DENND1A: variants seen among roughly 807,000 people sequenced by gnomAD.
DENND1A encodes DENN domain-containing protein 1A.
Under a neutral mutation model 113.7 loss-of-function variants are expected in DENND1A, and 51 were observed. That is an observed-to-expected ratio of 0.45 (90% CI 0.36 to 0.57). The LOEUF (loss-of-function observed/expected upper bound fraction) is 0.57, where lower values mean the gene tolerates loss of function less well. DENND1A is among the 20% of genes least tolerant of loss of function. The pLI, the probability that DENND1A is intolerant of heterozygous loss-of-function variation, is 0.00. For synonymous variants in DENND1A, 565 were observed against 570.8 expected, an observed-to-expected ratio of 0.99 and a Z score of 0.14; for missense variants, 1,258 against 1,395.9, an observed-to-expected ratio of 0.90 and a Z score of 1.57.
Position 123,557,554 on chromosome 9 carries a change from T to C in DENND1A, c.993+16A>G, listed in dbSNP as rs576158892. On this transcript the variant is annotated intron_variant, in intron 13 of 23. Transcript: ENST00000394215. ...CTGACCAAACACAGGCTCTGTGACATGCCAAGGCTACTCACCGGCTCGATT... is the reference window on the plus strand; with the variant it reads ...CTGACCAAACACAGGCTCTGTGACACGCCAAGGCTACTCACCGGCTCGATT... The C allele has an allele frequency of 4.3e-6, 7 of 1,613,192 alleles. No homozygotes were observed. In the South Asian group the frequency reaches 5.5e-5, roughly 13 times the overall value.
chr9:123,440,562 G>A (rs1326535887), intron 18 of DENND1A, 71 bp from the exon 19 acceptor site: 19 of 1,475,112 alleles, frequency 1.3e-5, no homozygotes, highest in African/African-American at 1.5e-5. Flanking sequence ...ACCCCACAAC[G>A]AAGAGGCCTG....
At chr9:123,798,485 G>A (rs941419742) in intron 2 of DENND1A, 2 of 152,116 alleles carry the variant, frequency 1.3e-5, no homozygotes, top group African/African-American at 4.8e-5. Context: ...TGAGTCCATT[G>A]ACATTATACA....
At chr9:123,553,401 C>T (rs1489856197) in intron 13 of DENND1A, among the ~76,000 whole-genome samples, 2 of 55,100 alleles carry the variant, frequency 3.6e-5, no homozygotes, top group Non-Finnish European at 3.3e-5. Flanking sequence ...TTAAAAGCCG[C>T]CCCCCCCCCG....
chr9:123,545,415 C>G (rs1391392169), intron 13 of DENND1A, among the ~76,000 whole-genome samples: 1 of 152,042 alleles, frequency 6.6e-6, no homozygotes, highest in Non-Finnish European at 1.5e-5. Flanking sequence ...AACAAATCCA[C>G]CATCCCTCCA....
At chr9:123,401,582 A>G (rs2043466913) in intron 21 of DENND1A, 9 of 1,400,270 alleles carry the variant, frequency 6.4e-6, no homozygotes, top group Non-Finnish European at 8.4e-6. Flanking sequence ...CCAACCACCA[A>G]ACTGGCTCCC....
intron 2 of DENND1A, among the ~76,000 whole-genome samples, chr9:123,862,844 T>C (rs1305933948): frequency 6.6e-6 from 1 of 152,176 alleles, no homozygotes; most frequent in Admixed American, 6.5e-5. Context: ...AGGAGCTAGT[T>C]GATCAAACTA....
chr9:123,511,522 C>T (rs1015517285), intron 13 of DENND1A, among the ~76,000 whole-genome samples: 4 of 152,220 alleles, frequency 2.6e-5, no homozygotes, highest in African/African-American at 7.2e-5. Flanking sequence ...AGCAGCTGCT[C>T]GGTCACTGTT....
intron 1 of DENND1A, among the ~76,000 whole-genome samples, chr9:123,923,340 C>T (rs1856602538): frequency 6.6e-6 from 1 of 152,170 alleles, no homozygotes; most frequent in African/African-American, 2.4e-5. Flanking sequence ...CGATGGAGAG[C>T]TTGGTCTTCA....
chr9:123,643,657 C>T (rs1449288304), intron 9 of DENND1A, among the ~76,000 whole-genome samples: 4 of 152,206 alleles, frequency 2.6e-5, no homozygotes, highest in South Asian at 2.1e-4. Context: ...CCACCAAGGC[C>T]GCACTCATGG....
At chr9:123,555,916 C>G (rs1470994488) in intron 13 of DENND1A, among the ~76,000 whole-genome samples, 1 of 152,220 alleles carries the variant, frequency 6.6e-6, no homozygotes, top group Non-Finnish European at 1.5e-5. Flanking sequence ...TACTTCAAGT[C>G]TGTCCATTCC....
chr9:123,765,277 C>T (rs1438301824), intron 4 of DENND1A, among the ~76,000 whole-genome samples: 1 of 152,064 alleles, frequency 6.6e-6, no homozygotes, highest in Non-Finnish European at 1.5e-5. Context: ...GCAGCTATAC[C>T]ACTAACTGGT....
chr9:123,738,437 C>T (rs2068732492), intron 5 of DENND1A, among the ~76,000 whole-genome samples: 1 of 128,242 alleles, frequency 7.8e-6, no homozygotes, highest in Admixed American at 7.5e-5. Context: ...GCCGTGTCAA[C>T]AGCTTCTGTG....
At chr9:123,707,974 A>G (rs956140268) in intron 5 of DENND1A, among the ~76,000 whole-genome samples, 1 of 152,192 alleles carries the variant, frequency 6.6e-6, no homozygotes, top group African/African-American at 2.4e-5. Flanking sequence ...AATCTAGTGC[A>G]TGGATGCATG....
intron 5 of DENND1A, among the ~76,000 whole-genome samples, chr9:123,728,506 A>AAAAACAAAAAAAAAAAAAAAAAAAC (rs2067913385): frequency 6.9e-6 from 1 of 145,814 alleles, no homozygotes; most frequent in African/African-American, 2.7e-5. Flanking sequence ...AAAAAAAAAA[A>AAAAACAAAAAAAAAAAAAAAAAAAC]AAAACAGGCA....
At chr9:123,671,159 AGGTCT>A in intron 7 of DENND1A, 127 bp downstream of exon 7, 1 of 983,500 alleles carries the variant, frequency 1.0e-6, no homozygotes, top group Non-Finnish European at 1.6e-6. Flanking sequence ...TTGAACTCAG[AGGTCT>A]CAGAGTATTT....
At position 123,422,625 on chromosome 9, in the gene DENND1A, G is replaced by C. The variant is rs1180293344; in HGVS notation, c.1489-10796C>G. On this transcript the variant is annotated intron_variant, in intron 19 of 23. Transcript: ENST00000394215. This position sits in a 1 kb window ranked among gnomAD's most constrained non-coding sequence, Gnocchi z 4.8. ...AGTCTACCCATCCACCGCCTCAGCA[G>C]AGTTTAAAATCCTAGCTAATAGGTT... is the stretch of plus-strand genomic sequence containing the variant. Among the ~76,000 whole-genome samples the C allele has an allele frequency of 6.6e-6, 1 of 152,054 alleles. No individual in the cohort carries two copies. The highest frequency in any genetic ancestry group is 1.5e-5 in the Non-Finnish European group (1 of 68,016).
intron 13 of DENND1A, among the ~76,000 whole-genome samples, chr9:123,506,790 T>A (rs945604167): frequency 6.6e-6 from 1 of 152,066 alleles, no homozygotes; most frequent in Non-Finnish European, 1.5e-5. Flanking sequence ...TTGTCTTCAG[T>A]CCAGGGTTCT....
chr9:123,788,887 T>C (rs528708843), intron 3 of DENND1A, among the ~76,000 whole-genome samples: 51 of 152,198 alleles, frequency 3.4e-4, no homozygotes, highest in East Asian at 1.7e-3. Flanking sequence ...TTAAGGGAGA[T>C]AGAATTTAAG....
chr9:123,811,703 G>A (rs1836640153), intron 2 of DENND1A, among the ~76,000 whole-genome samples: 2 of 152,210 alleles, frequency 1.3e-5, no homozygotes, highest in South Asian at 4.1e-4. Context: ...AGCTTGCAGT[G>A]AGCGGAGATC....
Sources: allele counts gnomAD v4.1 joint callset (sites outside exome capture counted in the v4.1 genomes callset), GRCh38; gene constraint gnomAD v4.1.1; non-coding constraint Gnocchi (gnomAD v3.1); transcripts MANE v1.5; gene names NCBI Gene and HGNC (gene_info 2026-07-23, HGNC 2026-07-21).